The following PTPRD variants were observed in gnomAD, a reference collection of about 807,000 sequenced individuals.
PTPRD encodes the protein protein tyrosine phosphatase receptor type D, also known as receptor-type tyrosine-protein phosphatase delta.
In PTPRD, 34 loss-of-function variants were observed where a neutral mutation model predicts 214.5. The ratio of observed to expected loss-of-function variants is 0.16; its 90% CI spans 0.12 to 0.21. The LOEUF is 0.21. PTPRD is among the 10% of genes least tolerant of loss of function. The pLI is 1.00. For synonymous variants in PTPRD, 1,128 were observed against 845.7 expected (o/e 1.33, Z -5.79); for missense variants, 2,545 against 2,398.7 (o/e 1.06, Z -1.27).
At chr9:9,203,926 C>A (rs2099943329) in intron 9 of PTPRD, among the ~76,000 whole-genome samples, 2 of 152,200 alleles carry the variant, frequency 1.3e-5, no homozygotes, top group Admixed American at 1.3e-4. Flanking sequence ...CATAGACTGG[C>A]TTTTTCTGCT....
intron 8 of PTPRD, among the ~76,000 whole-genome samples, chr9:9,417,723 T>G (rs1429581747): frequency 5.9e-5 from 9 of 152,084 alleles, no homozygotes; most frequent in Admixed American, 5.9e-4. Flanking sequence ...TAAAATTGCA[T>G]TTAGAAAGTC....
Position 8,354,839 on chromosome 9 carries a change from A to C in PTPRD, c.4662-12861T>G, listed in dbSNP as rs12343862. On this transcript the variant is annotated intron_variant, in intron 39 of 45. Coordinates refer to ENST00000381196, the MANE Select transcript of PTPRD (RefSeq NM_002839.4). ...CCCAAGGTCCACGATTCTATCAATC[A>C]ATTTAGGCTGTAAGAATGTTGGTCC... 2.9e-3 allele frequency among the ~76,000 whole-genome samples: 449 copies of C among 152,348 alleles called. 3 individuals carry two copies. The highest frequency in any genetic ancestry group is 0.01 in the African/African-American group (435 of 41,584).
chr9:8,389,469 C>G (rs997775366), intron 36 of PTPRD, 62 bp from the exon 37 acceptor site: 33 of 1,318,142 alleles, frequency 2.5e-5, no homozygotes, highest in Non-Finnish European at 3.3e-5. Flanking sequence ...CAGCCTGGGA[C>G]ATGACCTAAT....
intron 12 of PTPRD, among the ~76,000 whole-genome samples, chr9:8,725,080 A>G (rs2154425571): frequency 6.6e-6 from 1 of 152,342 alleles, no homozygotes; most frequent in East Asian, 1.9e-4. Context: ...TAATATATTA[A>G]TATTAGGAAA....
At chr9:8,830,402 T>G (rs1439657663) in intron 11 of PTPRD, among the ~76,000 whole-genome samples, 1 of 152,100 alleles carries the variant, frequency 6.6e-6, no homozygotes, top group Non-Finnish European at 1.5e-5. Flanking sequence ...TTGTAAGACT[T>G]CTGGGCACTC....
chr9:8,895,736 T>C (rs572913772), intron 11 of PTPRD, among the ~76,000 whole-genome samples: 2 of 152,316 alleles, frequency 1.3e-5, no homozygotes, highest in East Asian at 3.9e-4. Context: ...GCTGCTGAAA[T>C]GTGAGACACT....
intron 2 of PTPRD, among the ~76,000 whole-genome samples, chr9:10,502,774 C>T (rs2044218837): frequency 6.6e-6 from 1 of 151,860 alleles, no homozygotes; most frequent in Non-Finnish European, 1.5e-5. Context: ...AACCAGTTGA[C>T]CCATAAAATA....
At chr9:8,833,316 T>G (rs2097337043) in intron 11 of PTPRD, among the ~76,000 whole-genome samples, 1 of 152,096 alleles carries the variant, frequency 6.6e-6, no homozygotes, top group African/African-American at 2.4e-5. Flanking sequence ...TTCAGGATGT[T>G]TGAGCACAGC....
intron 9 of PTPRD, among the ~76,000 whole-genome samples, chr9:9,211,643 G>C (rs1360264056): frequency 6.6e-6 from 1 of 151,926 alleles, no homozygotes; most frequent in Non-Finnish European, 1.5e-5. Context: ...ATACCAAAGA[G>C]CCTTAATAAT....
intron 5 of PTPRD, among the ~76,000 whole-genome samples, chr9:9,795,380 G>A (rs564874022): frequency 6.6e-6 from 1 of 152,236 alleles, no homozygotes; most frequent in South Asian, 2.1e-4. Context: ...CTGTTATAGG[G>A]CTAGAGATCT....
At chr9:10,584,141 C>T (rs938152098) in intron 2 of PTPRD, among the ~76,000 whole-genome samples, 6 of 151,564 alleles carry the variant, frequency 4.0e-5, no homozygotes, top group Non-Finnish European at 5.9e-5. Context: ...TCTTCTCTCT[C>T]CTATATCACA....
rs1292967701 is a variant in PTPRD, at chr9:8,521,369, T to G, written c.869A>C (p.Glu290Ala). ...DDMPIGRNVL[E>A]LNDVRQSANY... ...TGCTGACTGTCTTACATCATTCAGTTCTAGCACATTTCTTCCTATTGGCAT... is the reference window on the plus strand; with the variant it reads ...TGCTGACTGTCTTACATCATTCAGTGCTAGCACATTTCTTCCTATTGGCAT... Residue 290 changes from glutamate to alanine, a missense_variant, in exon 20 of 46, where the codon GAA (glutamate) becomes GCA (alanine). Physicochemically the swap from Glu to Ala is moderately radical, Grantham distance 107. Coordinates refer to ENST00000381196, the MANE Select transcript of PTPRD (RefSeq NM_002839.4). 6.2e-7 allele frequency: 1 copy of G among 1,613,862 alleles called. No homozygotes were observed. The highest frequency in any genetic ancestry group is 8.5e-7 in the Non-Finnish European group (1 of 1,179,936).
At chr9:9,261,850 A>G (rs903127751) in intron 9 of PTPRD, among the ~76,000 whole-genome samples, 1 of 151,858 alleles carries the variant, frequency 6.6e-6, no homozygotes, top group Non-Finnish European at 1.5e-5. Context: ...AGTGAGAAAG[A>G]ATAAACTTTG....
intron 2 of PTPRD, among the ~76,000 whole-genome samples, chr9:10,482,884 G>T (rs748789529): frequency 1.3e-4 from 20 of 152,262 alleles, no homozygotes; most frequent in Non-Finnish European, 2.5e-4. Flanking sequence ...CAGATTGAAT[G>T]CAATCCCTAT....
At chr9:8,592,086 C>T (rs900633765) in intron 14 of PTPRD, among the ~76,000 whole-genome samples, 5 of 152,036 alleles carry the variant, frequency 3.3e-5, no homozygotes, top group African/African-American at 4.8e-5. Context: ...GTGACTTTAA[C>T]ATGGAAATTT....
intron 36 of PTPRD, among the ~76,000 whole-genome samples, chr9:8,394,156 T>C: frequency 6.6e-6 from 1 of 151,306 alleles, no homozygotes; most frequent in Non-Finnish European, 1.5e-5. Context: ...TGGGGTCATG[T>C]GGATTTTTTA....
chr9:8,520,958 CTG>C (rs2097879202), intron 20 of PTPRD, among the ~76,000 whole-genome samples: 3 of 152,086 alleles, frequency 2.0e-5, no homozygotes, highest in African/African-American at 7.2e-5. Flanking sequence ...AGTATGTAGA[CTG>C]TACACATCAG....
At chr9:8,369,493 G>T (rs2080891593) in intron 39 of PTPRD, among the ~76,000 whole-genome samples, 1 of 151,222 alleles carries the variant, frequency 6.6e-6, no homozygotes. Context: ...TGGCCTGTTG[G>T]TGCTTCTAGG....
intron 3 of PTPRD, among the ~76,000 whole-genome samples, chr9:10,223,441 G>T (rs1050059437): frequency 6.6e-6 from 1 of 151,922 alleles, no homozygotes; most frequent in Non-Finnish European, 1.5e-5. Flanking sequence ...GAGGCGGGCA[G>T]ATCACTTGAG....
Sources: gnomAD v4.1 joint callset for allele counts (sites outside exome capture counted in the v4.1 genomes callset) on GRCh38, gnomAD v4.1.1 for gene constraint, MANE v1.5 for transcripts, NCBI Gene and HGNC (gene_info 2026-07-23, HGNC 2026-07-21) for gene names.